Variants in ZFHX4 observed in about 807,000 individuals in gnomAD.
The protein encoded by ZFHX4 is zinc finger homeobox 4, also known as zinc finger homeobox protein 4.
ZFHX4 carries 56 observed loss-of-function variants against 267.6 expected under a neutral mutation model. That is an observed-to-expected ratio of 0.21 (90% CI 0.17 to 0.26). ZFHX4 has a LOEUF of 0.26. Ranked by LOEUF, ZFHX4 falls within the 10% of genes least tolerant of loss-of-function variation. ZFHX4 has a pLI of 1.00. For synonymous variants in ZFHX4, 1,778 were observed against 1,665.6 expected (o/e 1.07, Z -1.64); for missense variants, 4,332 against 4,420.0 (o/e 0.98, Z 0.56).
At chr8:76,809,412 TC>T (rs1198097072) in intron 4 of ZFHX4, among the ~76,000 whole-genome samples, 1 of 152,198 alleles carries the variant, frequency 6.6e-6, no homozygotes, top group African/African-American at 2.4e-5. Flanking sequence ...AGCCATGTTT[TC>T]TTTTTTTCCA....
At chr8:76,771,777 C>A (rs1158802182) in intron 3 of ZFHX4, among the ~76,000 whole-genome samples, 1 of 152,080 alleles carries the variant, frequency 6.6e-6, no homozygotes, top group Non-Finnish European at 1.5e-5. Flanking sequence ...TGAATGAGAG[C>A]TTGTGGCAAG....
intron 3 of ZFHX4, among the ~76,000 whole-genome samples, chr8:76,773,939 C>T (rs16939355): frequency 0.14 from 21,587 of 151,966 alleles, 1,966 homozygotes; most frequent in African/African-American, 0.26. Context: ...TGAGAAGACA[C>T]GACAGAATCA....
chr8:76,753,198 CT>C (rs1291816418), intron 3 of ZFHX4, among the ~76,000 whole-genome samples: 2 of 152,194 alleles, frequency 1.3e-5, no homozygotes, highest in African/African-American at 4.8e-5. Context: ...CATCAGTTTC[CT>C]TTATTGTTTA....
chr8:76,830,826 A>C (rs1442589561), intron 4 of ZFHX4, among the ~76,000 whole-genome samples: 1 of 152,206 alleles, frequency 6.6e-6, no homozygotes, highest in African/African-American at 2.4e-5. Flanking sequence ...TTCAAGGAAC[A>C]TACATATGTT....
chr8:76,746,373 A>G (rs1440668662), intron 3 of ZFHX4, among the ~76,000 whole-genome samples: 1 of 152,122 alleles, frequency 6.6e-6, no homozygotes, highest in Non-Finnish European at 1.5e-5. Flanking sequence ...TTATGACTGT[A>G]CTCCAGCCTG....
chr8:76,856,433 T>C (rs1398211840), intron 10 of ZFHX4, 133 bp downstream of exon 10: 11 of 1,069,906 alleles, frequency 1.0e-5, no homozygotes, highest in African/African-American at 4.7e-5. Context: ...ATTTAAAGTA[T>C]ATATTATATT....
chr8:76,864,459 G>A lies in ZFHX4; in HGVS notation c.10745G>A (p.Ser3582Asn). The A allele has an allele frequency of 6.2e-7, 1 of 1,613,714 alleles. No homozygotes were observed. Among genetic ancestry groups the A allele is most frequent in the Non-Finnish European group, 8.5e-7 (1 of 1,179,834 alleles). ...SCSDESDSEL[S>N]QKLEDLDNSL... ...TCAGATGAGTCTGACAGTGAGCTGA[G>A]CCAGAAGCTAGAAGACTTAGATAAT... Residue 3582 changes from serine to asparagine, a missense_variant, in exon 11 of 11, where the codon AGC (serine) becomes AAC (asparagine). Ser to Asn is a conservative substitution (Grantham distance 46). This residue lies in a region of ZFHX4 where 1,648 missense variants were observed against 1,625.0 expected (regional missense o/e 1.01). Coordinates refer to ENST00000651372, the MANE Select transcript of ZFHX4 (RefSeq NM_024721.5).
chr8:76,833,217 C>T, intron 4 of ZFHX4, 121 bp from the exon 5 acceptor site: 2 of 696,198 alleles, frequency 2.9e-6, no homozygotes, highest in Non-Finnish European at 5.0e-6. Flanking sequence ...GGAGACTCAC[C>T]TGAGCTTCAC....
chr8:76,856,717 G>A (rs1812737234), intron 10 of ZFHX4, among the ~76,000 whole-genome samples: 1 of 151,928 alleles, frequency 6.6e-6, no homozygotes, highest in Admixed American at 6.6e-5. Flanking sequence ...TCTTTCCAAG[G>A]GATGGGGTGG....
chr8:76,811,901 GCAA>G (rs1042513992), intron 4 of ZFHX4, among the ~76,000 whole-genome samples: 2 of 152,086 alleles, frequency 1.3e-5, no homozygotes, highest in African/African-American at 4.8e-5. Context: ...TCCAGCCTGG[GCAA>G]CAAGAGCGAA....
chr8:76,731,099 A>C (rs1215565273), intron 3 of ZFHX4, among the ~76,000 whole-genome samples: 1 of 152,148 alleles, frequency 6.6e-6, no homozygotes, highest in Non-Finnish European at 1.5e-5. Context: ...GACGCTACCC[A>C]TCTGGGGCCC....
At chr8:76,697,784 AT>A (rs1414235513) in intron 1 of ZFHX4, among the ~76,000 whole-genome samples, 1 of 152,010 alleles carries the variant, frequency 6.6e-6, no homozygotes, top group African/African-American at 2.4e-5. Context: ...TACCTGATTG[AT>A]TTATGGATTA....
At chr8:76,795,993 G>A (rs575475941) in intron 4 of ZFHX4, among the ~76,000 whole-genome samples, 1 of 152,258 alleles carries the variant, frequency 6.6e-6, no homozygotes, top group African/African-American at 2.4e-5. Flanking sequence ...CAAAGGATTA[G>A]ATTGTGGAAG....
At chr8:76,819,287 T>C (rs1811584550) in intron 4 of ZFHX4, among the ~76,000 whole-genome samples, 1 of 152,108 alleles carries the variant, frequency 6.6e-6, no homozygotes, top group Admixed American at 6.6e-5. Flanking sequence ...ATTAATGTCA[T>C]TTATGCTGAA....
At chr8:76,698,075 G>A (rs1189978341) in intron 1 of ZFHX4, among the ~76,000 whole-genome samples, 1 of 152,146 alleles carries the variant, frequency 6.6e-6, no homozygotes, top group East Asian at 1.9e-4. Context: ...TGGAATACTA[G>A]CAAAACAGTA....
intron 4 of ZFHX4, among the ~76,000 whole-genome samples, chr8:76,800,387 G>T (rs1049168176): frequency 1.3e-5 from 2 of 152,126 alleles, no homozygotes; most frequent in Admixed American, 6.5e-5. Flanking sequence ...AGTAATTAAT[G>T]CACCAGTCAG....
rs966150861 is a variant in ZFHX4, at chr8:76,715,231, G to T, written c.3093+7183G>T. On this transcript the variant is annotated intron_variant, in intron 3 of 10. Transcript: ENST00000651372. ...ATGCAGGCCAGGCGTGGTGGCTCAC[G>T]CCTGTGATCCCAGCACTTTGAGAGG... Among the ~76,000 whole-genome samples the T allele has an allele frequency of 2.0e-5, 3 of 151,926 alleles. No homozygotes were observed. In the East Asian group the frequency reaches 5.8e-4, roughly 29 times the overall value.
At chr8:76,731,183 C>G (rs543014142) in intron 3 of ZFHX4, among the ~76,000 whole-genome samples, 1 of 152,278 alleles carries the variant, frequency 6.6e-6, no homozygotes, top group African/African-American at 2.4e-5. Flanking sequence ...ACATTTTTCT[C>G]TCTGAAGAGT....
At chr8:76,789,705 T>G (rs1810784120) in intron 4 of ZFHX4, among the ~76,000 whole-genome samples, 1 of 152,184 alleles carries the variant, frequency 6.6e-6, no homozygotes, top group Admixed American at 6.5e-5. Flanking sequence ...GATTTGTTTG[T>G]GTAGGGTTTT....
Sources: allele counts gnomAD v4.1 joint callset (sites outside exome capture counted in the v4.1 genomes callset), GRCh38; gene constraint gnomAD v4.1.1; regional missense constraint gnomAD v4.1.1; transcripts MANE v1.5; gene names NCBI Gene and HGNC (gene_info 2026-07-23, HGNC 2026-07-21).